Variants in PDE9A observed in about 807,000 individuals in gnomAD.
The protein encoded by PDE9A is high affinity cGMP-specific 3',5'-cyclic phosphodiesterase 9A.
A neutral mutation model predicts 87.4 loss-of-function variants in PDE9A; 60 were observed. The ratio of observed to expected loss-of-function variants is 0.69; its 90% CI spans 0.56 to 0.85. The LOEUF (loss-of-function observed/expected upper bound fraction) is 0.85, where lower values mean the gene tolerates loss of function less well. PDE9A is among the 40% of genes least tolerant of loss of function. PDE9A has a pLI of 0.00. For missense variants in PDE9A, 665 were observed against 779.0 expected (o/e 0.85, Z 1.74); for synonymous variants, 272 against 279.4 (o/e 0.97, Z 0.27).
At chr21:42,738,295 C>A (rs2839581) in intron 7 of PDE9A, among the ~76,000 whole-genome samples, 111,010 of 152,220 alleles carry the variant, frequency 0.73, 41,153 homozygotes, top group East Asian at 0.91. Context: ...TCTGTCACTC[C>A]GGAAGTGTGC....
At position 42,695,613 on chromosome 21, in the gene PDE9A, C is replaced by T. The variant is rs2060102331; in HGVS notation, c.219-3355C>T. Among the ~76,000 whole-genome samples the T allele has an allele frequency of 6.6e-6, 1 of 152,214 alleles. No homozygotes were observed. The highest frequency in any genetic ancestry group is 1.5e-5 in the Non-Finnish European group (1 of 68,048). Reference sequence around the variant, plus strand: ...GCTCTGTGCATGCAGGGCCAGTATTCTCGGCCATTCTGGCTTAGAGAAAAG... The same window carrying T: ...GCTCTGTGCATGCAGGGCCAGTATTTTCGGCCATTCTGGCTTAGAGAAAAG... On this transcript the variant is annotated intron_variant, in intron 3 of 19. Transcript: ENST00000291539. This position sits in a 1 kb window ranked among gnomAD's most constrained non-coding sequence, Gnocchi z 4.3.
At chr21:42,713,546 G>C (rs1368564900) in intron 4 of PDE9A, among the ~76,000 whole-genome samples, 2 of 152,158 alleles carry the variant, frequency 1.3e-5, no homozygotes, top group Non-Finnish European at 2.9e-5. Context: ...TCTTTGTCAT[G>C]TTTTGATATT....
At chr21:42,706,622 T>A (rs144866659) in intron 4 of PDE9A, among the ~76,000 whole-genome samples, 4,154 of 151,896 alleles carry the variant, frequency 0.027, 186 homozygotes, top group African/African-American at 0.093. Flanking sequence ...CTAGCCTGGG[T>A]GACACAGTGA....
chr21:42,715,721 C>T lies in PDE9A; in HGVS notation c.263-16049C>T, dbSNP rs376121587. ...TATATTCCACCTCAGAATTCACTCT[C>T]AGGGCTGTACATTCCCTGGGTTTGG... On this transcript the variant is annotated intron_variant, in intron 4 of 19. Transcript: ENST00000291539. Among the ~76,000 whole-genome samples, 17 of 151,968 alleles carry T rather than the reference C, an allele frequency of 1.1e-4. No homozygotes were observed. In the South Asian group the frequency reaches 1.3e-3, roughly 11 times the overall value.
At position 42,752,562 on chromosome 21, in the gene PDE9A, G is replaced by A. The variant is rs1384772758; in HGVS notation, c.735+1365G>A. On this transcript the variant is annotated intron_variant, in intron 9 of 19. Transcript: ENST00000291539. ...GGGATTACAGGCGTAAGCCAGCCCA[G>A]CCTCATCTGAGATTTTTGAATGGAG... 3.3e-5 allele frequency among the ~76,000 whole-genome samples: 5 copies of A among 152,156 alleles called. No homozygotes were observed. In the East Asian group the frequency reaches 9.6e-4, roughly 29 times the overall value.
intron 4 of PDE9A, among the ~76,000 whole-genome samples, chr21:42,713,426 A>T (rs1338149829): frequency 6.6e-6 from 1 of 152,208 alleles, no homozygotes; most frequent in Non-Finnish European, 1.5e-5. Flanking sequence ...GAGCCACAGC[A>T]CCTGGCCGCT....
intron 16 of PDE9A, 189 bp downstream of exon 16, chr21:42,768,481 G>T: frequency 8.4e-7 from 1 of 1,192,322 alleles, no homozygotes; most frequent in Non-Finnish European, 1.1e-6. Context: ...AGACCTGAAA[G>T]ACAGTAACAA....
intron 10 of PDE9A, among the ~76,000 whole-genome samples, chr21:42,755,121 C>T (rs756742649): frequency 6.6e-5 from 10 of 152,224 alleles, no homozygotes; most frequent in Non-Finnish European, 4.4e-5. Context: ...CTGTTTTCAA[C>T]GCACCAAAAT....
intron 10 of PDE9A, 145 bp downstream of exon 10, chr21:42,754,209 T>A (rs2054769906): frequency 1.7e-6 from 1 of 599,692 alleles, no homozygotes; most frequent in Non-Finnish European, 3.0e-6. Context: ...AAAACTTGTT[T>A]TGCCAGGTTT....
chr21:42,687,768 C>T, intron 2 of PDE9A, 149 bp from the exon 3 acceptor site: 1 of 636,526 alleles, frequency 1.6e-6, no homozygotes, highest in East Asian at 2.7e-5. Flanking sequence ...CTGGGGACGG[C>T]CTCCCACCCT....
chr21:42,703,832 A>G (rs2048584362), intron 4 of PDE9A, among the ~76,000 whole-genome samples: 1 of 152,232 alleles, frequency 6.6e-6, no homozygotes, highest in Non-Finnish European at 1.5e-5. Flanking sequence ...ATCCATCCTG[A>G]GAAACACAAA....
chr21:42,701,444 A>T (rs1388999793), intron 4 of PDE9A, among the ~76,000 whole-genome samples: 4 of 143,914 alleles, frequency 2.8e-5, no homozygotes, highest in African/African-American at 5.1e-5. Context: ...TTTTTTTTTC[A>T]AAGAGAGAGA....
At chr21:42,758,952 G>A in intron 10 of PDE9A, 47 bp from the exon 11 acceptor site, 1 of 1,438,144 alleles carries the variant, frequency 7.0e-7, no homozygotes, top group Non-Finnish European at 9.8e-7. Flanking sequence ...GGGCTGGGGA[G>A]CCGGCCACAC....
At chr21:42,742,818 G>A (rs368604030) in intron 7 of PDE9A, among the ~76,000 whole-genome samples, 4 of 152,032 alleles carry the variant, frequency 2.6e-5, no homozygotes, top group African/African-American at 9.7e-5. Flanking sequence ...AAGACCAGAC[G>A]AGCCAGTTTA....
chr21:42,765,900 A>G (rs2056351886), intron 15 of PDE9A, among the ~76,000 whole-genome samples: 1 of 152,170 alleles, frequency 6.6e-6, no homozygotes, highest in South Asian at 2.1e-4. Flanking sequence ...ATCCCCCACC[A>G]GGCCCACACC....
intron 4 of PDE9A, among the ~76,000 whole-genome samples, chr21:42,720,930 G>A (rs570897880): frequency 6.6e-5 from 10 of 152,068 alleles, no homozygotes; most frequent in African/African-American, 9.6e-5. Context: ...GCTTGAACCC[G>A]GGAGGCGGAG....
chr21:42,751,046 T>G (rs1279468227), intron 8 of PDE9A, 70 bp from the exon 9 acceptor site: 2 of 1,017,038 alleles, frequency 2.0e-6, no homozygotes, highest in African/African-American at 3.2e-5. Context: ...GTCGCTTGCT[T>G]TTGCTGTGCT....
At chr21:42,732,258 G>A (rs544926367) in intron 6 of PDE9A, 134 bp downstream of exon 6, 43 of 801,742 alleles carry the variant, frequency 5.4e-5, no homozygotes, top group Middle Eastern at 6.5e-4. Flanking sequence ...GGAGCTGCCC[G>A]CACGGTGGAA....
chr21:42,771,766 G>A (rs2057044207), intron 18 of PDE9A, among the ~76,000 whole-genome samples: 1 of 152,234 alleles, frequency 6.6e-6, no homozygotes, highest in Non-Finnish European at 1.5e-5. Flanking sequence ...CACCCGCCTG[G>A]AGCGCCATGC....
Sources: allele counts gnomAD v4.1 joint callset (sites outside exome capture counted in the v4.1 genomes callset), GRCh38; gene constraint gnomAD v4.1.1; non-coding constraint Gnocchi (gnomAD v3.1); transcripts MANE v1.5; gene names NCBI Gene and HGNC (gene_info 2026-07-23, HGNC 2026-07-21).